MLLT10: variants seen among roughly 807,000 people sequenced by gnomAD.
MLLT10 encodes the protein protein AF-10.
MLLT10 carries 30 observed loss-of-function variants against 129.1 expected under a neutral mutation model. The observed-to-expected ratio is 0.23, with a 90% CI of 0.17 to 0.32. MLLT10 has a LOEUF of 0.32. MLLT10 is among the 10% of genes least tolerant of loss of function. The probability of loss-of-function intolerance (pLI) is 1.00; values close to 1 mark genes in which losing one functional copy is unlikely to be tolerated. For synonymous variants in MLLT10, 490 were observed against 446.4 expected, an observed-to-expected ratio of 1.10 and a Z score of -1.23; for missense variants, 1,119 against 1,268.3, an observed-to-expected ratio of 0.88 and a Z score of 1.79.
chr10:21,682,406 T>G (rs1020261744), intron 13 of MLLT10, 149 bp downstream of exon 13: 5 of 580,076 alleles, frequency 8.6e-6, no homozygotes, highest in Non-Finnish European at 1.1e-5. Context: ...AGTGAAAAAT[T>G]TTTGTAGATT....
intron 3 of MLLT10, among the ~76,000 whole-genome samples, chr10:21,539,500 G>A (rs1026286594): frequency 6.6e-6 from 1 of 151,218 alleles, no homozygotes; most frequent in Non-Finnish European, 1.5e-5. Flanking sequence ...GGTGCCGGGT[G>A]CAGTGGTTCA....
intron 3 of MLLT10, chr10:21,556,804 A>C (rs776579454): frequency 7.0e-6 from 11 of 1,576,760 alleles, no homozygotes; most frequent in Admixed American, 1.9e-5. Context: ...GTCTTACTAC[A>C]GCAGCTTTCT....
chr10:21,703,605 C>T (rs1023127046), intron 13 of MLLT10, among the ~76,000 whole-genome samples: 5 of 151,772 alleles, frequency 3.3e-5, no homozygotes, highest in South Asian at 2.1e-4. Flanking sequence ...AGTGCAGTGG[C>T]GCGATCTCCG....
At chr10:21,551,185 A>G (rs2036953759) in intron 3 of MLLT10, among the ~76,000 whole-genome samples, 1 of 151,622 alleles carries the variant, frequency 6.6e-6, no homozygotes, top group Non-Finnish European at 1.5e-5. Flanking sequence ...TCGGCCTCCC[A>G]AAGTGCTGGG....
chr10:21,717,653 TTCC>T (rs1386250592), intron 14 of MLLT10, among the ~76,000 whole-genome samples: 6 of 56,226 alleles, frequency 1.1e-4, no homozygotes, highest in Admixed American at 3.2e-4. Flanking sequence ...CCTCCTCCTC[TTCC>T]TCCTCCTCTT....
intron 13 of MLLT10, among the ~76,000 whole-genome samples, chr10:21,702,427 T>C (rs369399449): frequency 6.6e-6 from 1 of 152,238 alleles, no homozygotes; most frequent in South Asian, 2.1e-4. Flanking sequence ...GTTTTGTAAA[T>C]GTCTGTTAGG....
intron 13 of MLLT10, among the ~76,000 whole-genome samples, chr10:21,690,091 A>C (rs2053712327): frequency 6.6e-6 from 1 of 152,092 alleles, no homozygotes; most frequent in Non-Finnish European, 1.5e-5. Flanking sequence ...GGGGGTAGTA[A>C]CTGAAACTCT....
At chr10:21,600,294 T>C (rs114216219) in intron 5 of MLLT10, among the ~76,000 whole-genome samples, 2,849 of 152,142 alleles carry the variant, frequency 0.019, 82 homozygotes, top group African/African-American at 0.064. Flanking sequence ...CAATTTAGAC[T>C]GTATTAGAGT....
chr10:21,620,688 T>A (rs1041541722), intron 8 of MLLT10, among the ~76,000 whole-genome samples: 1 of 152,082 alleles, frequency 6.6e-6, no homozygotes, highest in Non-Finnish European at 1.5e-5. Flanking sequence ...ATTTTAAAAT[T>A]GTTTGTTCGT....
chr10:21,730,754 T>G, intron 16 of MLLT10, 146 bp from the exon 17 acceptor site: 1 of 715,420 alleles, frequency 1.4e-6, no homozygotes, highest in Non-Finnish European at 2.3e-6. Context: ...ATTATGGTTT[T>G]CTAAATCCAG....
chr10:21,712,122 T>C (rs1331958265), intron 13 of MLLT10, among the ~76,000 whole-genome samples: 1 of 152,226 alleles, frequency 6.6e-6, no homozygotes, highest in East Asian at 1.9e-4. Flanking sequence ...TGTAAGGCTT[T>C]TTAAAATGTC....
intron 14 of MLLT10, among the ~76,000 whole-genome samples, chr10:21,719,010 C>T (rs2056950546): frequency 6.6e-6 from 1 of 152,236 alleles, no homozygotes; most frequent in South Asian, 2.1e-4. Flanking sequence ...GCGTGAGCCA[C>T]CTCGCCTGGG....
rs2051283735 is a variant in MLLT10 at position 21,670,494 on chromosome 10, C to T, written c.841C>T (p.Arg281Cys). The change falls in exon 10 of 23, where the codon CGC (arginine) becomes TGC (cysteine). Residue 281 changes from arginine (R) to cysteine (C), a missense_variant. Transcript: ENST00000307729. ...CAACTCTATATCTGGATCATTGAAG[C>T]GCTTGGAAGATACTACTGCACGATT... ...SNNSISGSLK[R>C]LEDTTARFTN... The T allele has an allele frequency of 1.2e-6, 2 of 1,613,956 alleles. No individual in the cohort carries two copies. Among genetic ancestry groups the T allele is most frequent in the Non-Finnish European group, 1.7e-6 (2 of 1,179,950 alleles).
chr10:21,731,572 A>G (rs1188648656), intron 17 of MLLT10, among the ~76,000 whole-genome samples: 2 of 152,218 alleles, frequency 1.3e-5, no homozygotes, highest in African/African-American at 4.8e-5. Flanking sequence ...CTTACTTTAA[A>G]AAATACAAAT....
Position 21,681,384 on chromosome 10 carries a change from G to A in MLLT10, c.1666+8G>A. ...GAGCTTGCCCAACAACTAGTAAGTT[G>A]TCAAACTGGGTTGATAACCCGGGCC... On this transcript the variant is annotated splice_region_variant and intron_variant, in intron 12 of 22. Coordinates refer to ENST00000307729, the MANE Select transcript of MLLT10 (RefSeq NM_001195626.3). The A allele has an allele frequency of 1.9e-6, 3 of 1,599,588 alleles. No individual in the cohort carries two copies. The highest frequency in any genetic ancestry group is 1.1e-5 in the South Asian group (1 of 90,348).
At chr10:21,687,038 C>G (rs965816618) in intron 13 of MLLT10, among the ~76,000 whole-genome samples, 3 of 152,040 alleles carry the variant, frequency 2.0e-5, no homozygotes, top group Non-Finnish European at 4.4e-5. Flanking sequence ...GTTTTCACAG[C>G]AGTATATTGC....
intron 13 of MLLT10, among the ~76,000 whole-genome samples, chr10:21,699,649 C>T (rs560370064): frequency 2.3e-4 from 34 of 150,342 alleles, no homozygotes; most frequent in African/African-American, 7.8e-4. Flanking sequence ...CCTCGGTGTA[C>T]GTACTTGGTG....
At chr10:21,691,767 G>A (rs763841598) in intron 13 of MLLT10, among the ~76,000 whole-genome samples, 9 of 152,004 alleles carry the variant, frequency 5.9e-5, no homozygotes, top group Non-Finnish European at 4.4e-5. Flanking sequence ...ACACAGTAAA[G>A]GGGTAATAAC....
intron 8 of MLLT10, among the ~76,000 whole-genome samples, chr10:21,640,600 G>A (rs2047910075): frequency 6.6e-6 from 1 of 152,064 alleles, no homozygotes; most frequent in Admixed American, 6.6e-5. Flanking sequence ...TTGCATTACA[G>A]GAGAGGAGCC....
Sources: allele counts gnomAD v4.1 joint callset (sites outside exome capture counted in the v4.1 genomes callset), GRCh38; gene constraint gnomAD v4.1.1; transcripts MANE v1.5; gene names NCBI Gene and HGNC (gene_info 2026-07-23, HGNC 2026-07-21).